TRIM14: variants seen among roughly 807,000 people sequenced by gnomAD.
TRIM14 encodes the protein tripartite motif containing 14.
Under a neutral mutation model 44.5 loss-of-function variants are expected in TRIM14, and 28 were observed. The ratio of observed to expected loss-of-function variants is 0.63; its 90% confidence interval spans 0.47 to 0.86. TRIM14 has a LOEUF of 0.86. Among genes scored for constraint, TRIM14 ranks in the 40% least tolerant of loss-of-function variants. The probability of loss-of-function intolerance (pLI) is 0.00; values close to 1 mark genes in which losing one functional copy is unlikely to be tolerated. For missense variants in TRIM14, 607 were observed against 611.1 expected (o/e 0.99, Z 0.07); for synonymous variants, 299 against 269.2 (o/e 1.11, Z -1.08).
At chr9:98,044,368 C>CTTT in the TRIM14 span, among the ~76,000 whole-genome samples, 25 of 110,470 alleles carry the variant, frequency 2.3e-4, no homozygotes, top group Non-Finnish European at 3.2e-4. Context: ...TGCCCTTTCT[C>CTTT]TTTTTTTTTT....
chr9:98,041,444 C>T, the TRIM14 span, among the ~76,000 whole-genome samples: 1 of 151,934 alleles, frequency 6.6e-6, no homozygotes, highest in South Asian at 2.1e-4. Context: ...CTCGGCCTCC[C>T]AAAGTGCTGG....
At chr9:98,039,255 A>G in the TRIM14 span, among the ~76,000 whole-genome samples, 5 of 152,020 alleles carry the variant, frequency 3.3e-5, no homozygotes, top group Admixed American at 1.3e-4. Flanking sequence ...GGCTCAAGCA[A>G]TCTTCCTGCC....
the TRIM14 span, among the ~76,000 whole-genome samples, chr9:98,048,472 C>T: frequency 6.6e-6 from 1 of 151,898 alleles, no homozygotes; most frequent in African/African-American, 2.4e-5. Context: ...ATGTGTTGTG[C>T]GTGTGATGTT....
chr9:98,117,825 T>C (rs1165405043), intron 1 of TRIM14, among the ~76,000 whole-genome samples: 1 of 152,156 alleles, frequency 6.6e-6, no homozygotes, highest in Non-Finnish European at 1.5e-5. Context: ...GGTAGGGGGA[T>C]GGACAAATGG....
intron 6 of TRIM14, chr9:98,078,299 C>A: frequency 6.2e-7 from 1 of 1,614,042 alleles, no homozygotes; most frequent in Non-Finnish European, 8.5e-7. Flanking sequence ...TGCAGTGTAC[C>A]AGCGCATACC....
At chr9:98,070,089 T>C (rs1468637565) in intron 6 of TRIM14, among the ~76,000 whole-genome samples, 1 of 152,210 alleles carries the variant, frequency 6.6e-6, no homozygotes, top group African/African-American at 2.4e-5. Flanking sequence ...AAATTCAAAG[T>C]TTAAAATTAA....
At chr9:98,065,400 TC>T (rs1220664918), downstream of TRIM14, among the ~76,000 whole-genome samples, 2 of 147,256 alleles carry the variant, frequency 1.4e-5, no homozygotes, top group Middle Eastern at 3.5e-3. Flanking sequence ...CACTGCGACT[TC>T]CGCCTCCTGG....
chr9:98,064,119 A>G, the TRIM14 span, among the ~76,000 whole-genome samples: 1 of 152,204 alleles, frequency 6.6e-6, no homozygotes, highest in Non-Finnish European at 1.5e-5. Flanking sequence ...AAAAGGAGGA[A>G]GGTGGAGAAC....
chr9:98,048,743 G>T, the TRIM14 span, among the ~76,000 whole-genome samples: 1 of 152,182 alleles, frequency 6.6e-6, no homozygotes. Context: ...AAAGGAATAG[G>T]CTGGGCATGG....
At chr9:98,053,201 T>C in the TRIM14 span, among the ~76,000 whole-genome samples, 1 of 152,210 alleles carries the variant, frequency 6.6e-6, no homozygotes, top group East Asian at 1.9e-4. Flanking sequence ...GCACTTTCTA[T>C]TGCTCTTCCC....
At position 98,103,882 on chromosome 9, in the gene TRIM14, C is replaced by T. The variant is rs146332837; in HGVS notation, c.304-3718G>A. On this transcript the variant is annotated intron_variant, in intron 2 of 5. Coordinates refer to ENST00000341469, the MANE Select transcript of TRIM14 (RefSeq NM_014788.4). ...TTAAACATAGGCCAGCTCCCTTCCT[C>T]AGCCCAAACATCTGCACAGTCCACA... 5.6e-3 allele frequency among the ~76,000 whole-genome samples: 850 copies of T among 151,920 alleles called. 10 individuals carry two copies. The highest frequency in any genetic ancestry group is 0.02 in the African/African-American group (816 of 41,390).
chr9:98,056,422 G>T, the TRIM14 span, among the ~76,000 whole-genome samples: 3 of 152,180 alleles, frequency 2.0e-5, no homozygotes, highest in African/African-American at 7.2e-5. Context: ...CCATGCTCCT[G>T]AGAGCAGGAC....
chr9:98,103,437 G>A (rs142099634), intron 2 of TRIM14, among the ~76,000 whole-genome samples: 5 of 152,180 alleles, frequency 3.3e-5, no homozygotes, highest in Non-Finnish European at 7.4e-5. Context: ...TGGGATTGGG[G>A]GTAAGGGAAA....
intron 6 of TRIM14, among the ~76,000 whole-genome samples, chr9:98,072,963 C>T (rs1431101035): frequency 4.6e-5 from 7 of 152,148 alleles, no homozygotes; most frequent in East Asian, 3.9e-4. Context: ...CCAAGAAAAC[C>T]GTCAGGGCTT....
At chr9:98,053,927 T>A in the TRIM14 span, among the ~76,000 whole-genome samples, 1 of 152,220 alleles carries the variant, frequency 6.6e-6, no homozygotes, top group African/African-American at 2.4e-5. Context: ...GAATTAACAT[T>A]TTCCGTCTCA....
intron 2 of TRIM14, among the ~76,000 whole-genome samples, chr9:98,107,742 C>T (rs1826674749): frequency 6.6e-6 from 1 of 152,038 alleles, no homozygotes; most frequent in African/African-American, 2.4e-5. Flanking sequence ...TCTTGGCTCA[C>T]TGCAACCTCC....
At chr9:98,070,662 C>T (rs573087865) in intron 6 of TRIM14, among the ~76,000 whole-genome samples, 37 of 151,582 alleles carry the variant, frequency 2.4e-4, no homozygotes, top group African/African-American at 8.0e-4. Context: ...TCAGGTGATC[C>T]GCCCACCTTG....
At position 98,100,156 on chromosome 9, in the gene TRIM14, T is replaced by A; in HGVS notation, c.312A>T (p.Ala104=). 6.2e-7 allele frequency: 1 copy of A among 1,613,966 alleles called. No homozygotes were observed. The highest frequency in any genetic ancestry group is 8.5e-7 in the Non-Finnish European group (1 of 1,179,806). The part of the protein sequence containing the change: ...EDATEKLKAN[A]ESSKTWLKGK... The stretch of plus-strand genomic sequence containing the variant: ...CCTTCAGCCAGGTTTTACTTGACTC[T>A]GCATTAGCCTAAAAACAGAAAAACC... Residue 104 remains alanine, a synonymous_variant, in exon 3 of 6, where the codon GCA becomes GCT. Transcript: ENST00000341469.
downstream of TRIM14, among the ~76,000 whole-genome samples, chr9:98,079,720 C>T (rs1476097427): frequency 2.6e-5 from 4 of 152,172 alleles, no homozygotes; most frequent in East Asian, 3.8e-4. Flanking sequence ...AGTGTATCTC[C>T]GTCCCCACTC....
Sources: allele counts gnomAD v4.1 joint callset (sites outside exome capture counted in the v4.1 genomes callset), GRCh38; gene constraint gnomAD v4.1.1; transcripts MANE v1.5; gene names NCBI Gene and HGNC (gene_info 2026-07-23, HGNC 2026-07-21).